Variants in YTHDF2 observed in about 807,000 individuals in gnomAD.
YTHDF2 encodes YTH domain-containing family protein 2.
A neutral mutation model predicts 50.4 loss-of-function variants in YTHDF2; 2 were observed. The observed-to-expected ratio is 0.04, with a 90% CI of 0.02 to 0.12. The LOEUF is 0.12. Among genes scored for constraint, YTHDF2 ranks in the 10% least tolerant of loss-of-function variants. The pLI is 1.00. For missense variants in YTHDF2, 483 were observed against 722.6 expected (o/e 0.67, Z 3.80); for synonymous variants, 217 against 255.6 (o/e 0.85, Z 1.44).
At chr1:28,749,403 A>G (rs2087914627) in intron 4 of YTHDF2, among the ~76,000 whole-genome samples, 1 of 151,834 alleles carries the variant, frequency 6.6e-6, no homozygotes, top group African/African-American at 2.4e-5. Context: ...GATGGTCTCG[A>G]TCTCCTGACC....
intron 4 of YTHDF2, among the ~76,000 whole-genome samples, chr1:28,758,771 T>G (rs2088070976): frequency 6.6e-6 from 1 of 152,156 alleles, no homozygotes; most frequent in Admixed American, 6.6e-5. Context: ...TAATTCAAAG[T>G]TTTAGTTATG....
At chr1:28,737,753 A>G (rs1570458251) in intron 2 of YTHDF2, 71 bp downstream of exon 2, 3 of 1,583,692 alleles carry the variant, frequency 1.9e-6, no homozygotes, top group Non-Finnish European at 2.6e-6. Context: ...GGTCTCCGGG[A>G]AGCGCCCCGG....
chr1:28,761,124 TG>T lies in YTHDF2; in HGVS notation c.1717-7804del, dbSNP rs1557549943. ...GTGCATGAGTGTGTGTGTGTGTGTG[TG>T]TGTGTATTTTTTTTTTTTTTTTTTT... On this transcript the variant is annotated intron_variant, in intron 4 of 4. Transcript: ENST00000373812. Among the ~76,000 whole-genome samples, 125 of 118,196 alleles carry T rather than the reference TG, an allele frequency of 1.1e-3. 1 individual carries two copies. Among genetic ancestry groups the T allele is most frequent in the African/African-American group, 4.1e-3 (118 of 28,476 alleles). The allele number at this position is 118,196 out of a possible 152,430, so 77.5% of individuals were successfully genotyped here. A position where few individuals can be genotyped will look rare whatever the true frequency, so the allele number is the denominator to read the frequency against.
rs1288126957 is a variant in YTHDF2, at chr1:28,743,264, C to T, written c.994C>T (p.Pro332Ser). ...VGQQTQPLPPPPPQPAQLSVQ... is the reference protein window; with the variant it reads ...VGQQTQPLPPSPPQPAQLSVQ... ...GCAACAGACACAGCCATTGCCTCCACCTCCACCACAGCCTGCCCAGCTTTC... is the reference window on the plus strand; with the variant it reads ...GCAACAGACACAGCCATTGCCTCCATCTCCACCACAGCCTGCCCAGCTTTC... Residue 332 changes from proline to serine, a missense_variant, in exon 4 of 5, where the codon CCT becomes TCT. By Grantham distance (74) the Pro-to-Ser change is moderately conservative (BLOSUM62 -1). This residue lies in a region of YTHDF2 where 385 missense variants were observed against 475.8 expected (regional missense o/e 0.81). Coordinates refer to ENST00000373812, the MANE Select transcript of YTHDF2 (RefSeq NM_016258.3). The surrounding 1 kb of genome is among the most constrained non-coding windows in gnomAD (Gnocchi z 6.9). 1.2e-6 allele frequency: 2 copies of T among 1,614,046 alleles called. No individual in the cohort carries two copies. Among genetic ancestry groups the T allele is most frequent in the South Asian group, 1.1e-5 (1 of 91,084 alleles).
chr1:28,767,834 G>A (rs781590601), intron 4 of YTHDF2, among the ~76,000 whole-genome samples: 3 of 15,834 alleles, frequency 1.9e-4, no homozygotes, highest in South Asian at 8.0e-3. Flanking sequence ...TAGAGACGGG[G>A]TTTCACCATG....
intron 4 of YTHDF2, among the ~76,000 whole-genome samples, chr1:28,746,211 G>C (rs942911314): frequency 1.6e-4 from 24 of 152,104 alleles, no homozygotes; most frequent in Non-Finnish European, 1.0e-4. Context: ...ATAGACGTCT[G>C]AGGGGCATCT....
At chr1:28,737,543 C>A in intron 1 of YTHDF2, 115 bp from the exon 2 acceptor site, 1 of 1,405,304 alleles carries the variant, frequency 7.1e-7, no homozygotes, top group Non-Finnish European at 9.9e-7. Context: ...ATTCCTGACG[C>A]CTCCCCTCGG....
At chr1:28,768,307 T>C (rs1380053437) in intron 4 of YTHDF2, among the ~76,000 whole-genome samples, 3 of 152,110 alleles carry the variant, frequency 2.0e-5, no homozygotes, top group Non-Finnish European at 4.4e-5. Flanking sequence ...CTTAAGAAAA[T>C]GAGCATTGGG....
At chr1:28,748,030 A>AGGCAGGAGAAT (rs2087891639) in intron 4 of YTHDF2, among the ~76,000 whole-genome samples, 1 of 151,420 alleles carries the variant, frequency 6.6e-6, no homozygotes, top group South Asian at 2.1e-4. Flanking sequence ...CGGGAGGCTG[A>AGGCAGGAGAAT]GGCAGGAGAA....
chr1:28,747,300 G>A (rs1037821221), intron 4 of YTHDF2, among the ~76,000 whole-genome samples: 4 of 151,000 alleles, frequency 2.6e-5, no homozygotes, highest in African/African-American at 9.7e-5. Context: ...TGCCCAGCGC[G>A]GTGGCTCATG....
intron 4 of YTHDF2, among the ~76,000 whole-genome samples, chr1:28,755,433 A>G (rs113838790): frequency 2.4e-3 from 367 of 152,340 alleles, no homozygotes; most frequent in African/African-American, 8.6e-3. Context: ...TGTTCATTTA[A>G]TTCTTGTATC....
At chr1:28,744,735 G>A (rs1266355364) in intron 4 of YTHDF2, among the ~76,000 whole-genome samples, 1 of 151,894 alleles carries the variant, frequency 6.6e-6, no homozygotes, top group African/African-American at 2.4e-5. Flanking sequence ...GTGGCATGAT[G>A]TCCGCCCACT....
At chr1:28,745,564 A>G (rs2087844795) in intron 4 of YTHDF2, among the ~76,000 whole-genome samples, 3 of 152,070 alleles carry the variant, frequency 2.0e-5, no homozygotes, top group Non-Finnish European at 4.4e-5. Context: ...CGTTTCTATT[A>G]AAAGTACAAA....
chr1:28,742,449 A>G lies in YTHDF2; in HGVS notation c.179A>G (p.Tyr60Cys), dbSNP rs781663576. The change falls in exon 4 of 5, where the codon TAC (tyrosine) becomes TGC (cysteine). Residue 60 changes from tyrosine to cysteine, a missense_variant. Tyr to Cys is a radical substitution (Grantham distance 194, BLOSUM62 -2). Coordinates refer to ENST00000373812, the MANE Select transcript of YTHDF2 (RefSeq NM_016258.3). ...AMSDSYLPSYYSPSIGFSYSL... is the reference protein window; with the variant it reads ...AMSDSYLPSYCSPSIGFSYSL... ...TCAGATTCCTACTTACCCAGTTACT[A>G]CAGTCCCTCCATTGGCTTCTCCTAT... The G allele has an allele frequency of 1.9e-6, 3 of 1,606,522 alleles. No individual in the cohort carries two copies. Among genetic ancestry groups the G allele is most frequent in the Admixed American group, 1.7e-5 (1 of 58,272 alleles).
chr1:28,744,041 GAA>G, intron 4 of YTHDF2, 55 bp downstream of exon 4: 1 of 1,486,660 alleles, frequency 6.7e-7, no homozygotes, highest in Non-Finnish European at 8.9e-7. Flanking sequence ...AGAGAGAACA[GAA>G]GAGGTATTAT....
chr1:28,742,473 A>C lies in YTHDF2; in HGVS notation c.203A>C (p.Tyr68Ser). ...TACAGTCCCTCCATTGGCTTCTCCT[A>C]TTCTTTGGGTGAAGCTGCTTGGTCT... ...SYYSPSIGFS[Y>S]SLGEAAWSTG... Residue 68 changes from tyrosine (Y) to serine (S), a missense_variant, in exon 4 of 5, where the codon TAT becomes TCT. This residue lies in a region of YTHDF2 where 385 missense variants were observed against 475.8 expected (regional missense o/e 0.81). Transcript: ENST00000373812. 1 of 1,612,486 alleles carries C rather than the reference A, an allele frequency of 6.2e-7. No individual in the cohort carries two copies. The highest frequency in any genetic ancestry group is 8.5e-7 in the Non-Finnish European group (1 of 1,179,498).
At chr1:28,748,151 A>G (rs1258535627) in intron 4 of YTHDF2, among the ~76,000 whole-genome samples, 1 of 151,716 alleles carries the variant, frequency 6.6e-6, no homozygotes, top group Non-Finnish European at 1.5e-5. Flanking sequence ...CAAAAAAAAG[A>G]ACTGCTGGGA....
chr1:28,764,942 A>G (rs758683405), intron 4 of YTHDF2, among the ~76,000 whole-genome samples: 5 of 151,888 alleles, frequency 3.3e-5, no homozygotes, highest in African/African-American at 4.8e-5. Flanking sequence ...AGCTGTGATC[A>G]TAGTTCATTA....
chr1:28,738,360 TATCTA>T, intron 3 of YTHDF2, 22 bp downstream of exon 3: 1 of 1,572,888 alleles, frequency 6.4e-7, no homozygotes, highest in Non-Finnish European at 8.8e-7. Context: ...ACTATTTACA[TATCTA>T]ATCGAAGGGT....
Sources: gnomAD v4.1 joint callset for allele counts (sites outside exome capture counted in the v4.1 genomes callset) on GRCh38, gnomAD v4.1.1 for gene constraint, gnomAD v4.1.1 regional missense constraint, Gnocchi (gnomAD v3.1) non-coding constraint, MANE v1.5 for transcripts, NCBI Gene and HGNC (gene_info 2026-07-23, HGNC 2026-07-21) for gene names.